ROBO1: variants seen among roughly 807,000 people sequenced by gnomAD.
The protein encoded by ROBO1 is roundabout guidance receptor 1, also known as roundabout homolog 1.
ROBO1 carries 149 observed loss-of-function variants against 195.9 expected under a neutral mutation model. That is an observed-to-expected ratio of 0.76 (90% confidence interval 0.67 to 0.87). The LOEUF is 0.87. ROBO1 is among the 40% of genes least tolerant of loss of function. The pLI is 0.00. For synonymous variants in ROBO1, 816 were observed against 733.2 expected (o/e 1.11, Z -1.82); for missense variants, 1,933 against 2,068.3 (o/e 0.93, Z 1.27).
intron 1 of ROBO1, among the ~76,000 whole-genome samples, chr3:79,613,148 G>C (rs939196544): frequency 3.9e-5 from 6 of 151,928 alleles, no homozygotes; most frequent in African/African-American, 1.4e-4. Context: ...ACTGAAAAAG[G>C]GTCAAGTATA....
At chr3:79,179,176 A>AT (rs1422186076) in intron 2 of ROBO1, among the ~76,000 whole-genome samples, 2 of 152,210 alleles carry the variant, frequency 1.3e-5, no homozygotes. Context: ...AGAAGCAGGA[A>AT]TAGTAACCAT....
chr3:79,008,643 G>T (rs1300528139), intron 3 of ROBO1, among the ~76,000 whole-genome samples: 1 of 151,392 alleles, frequency 6.6e-6, no homozygotes, highest in Non-Finnish European at 1.5e-5. Context: ...ACCCTGACTG[G>T]AGTGCAAAGG....
intron 9 of ROBO1, 92 bp downstream of exon 9, chr3:78,688,556 G>A (rs2081100212): frequency 2.3e-6 from 3 of 1,312,366 alleles, no homozygotes; most frequent in Middle Eastern, 2.0e-4. Context: ...TGTGACAGCT[G>A]CATGACTAAG....
At chr3:79,346,598 A>G (rs1379626148) in intron 2 of ROBO1, among the ~76,000 whole-genome samples, 1 of 152,084 alleles carries the variant, frequency 6.6e-6, no homozygotes, top group Admixed American at 6.6e-5. Context: ...TCTAGGAATT[A>G]ATTTTTTCTA....
intron 3 of ROBO1, among the ~76,000 whole-genome samples, chr3:78,950,253 A>G (rs2040698565): frequency 6.6e-6 from 1 of 152,092 alleles, no homozygotes; most frequent in African/African-American, 2.4e-5. Context: ...AAAGACTTGG[A>G]ACCAACCTAA....
At chr3:79,059,424 G>A (rs369188140) in intron 3 of ROBO1, among the ~76,000 whole-genome samples, 5 of 152,076 alleles carry the variant, frequency 3.3e-5, no homozygotes, top group Middle Eastern at 3.4e-3. Flanking sequence ...TCTTTACTGT[G>A]TGGGACCAGT....
intron 2 of ROBO1, among the ~76,000 whole-genome samples, chr3:79,306,085 G>C (rs2033204691): frequency 6.6e-6 from 1 of 152,156 alleles, no homozygotes; most frequent in Non-Finnish European, 1.5e-5. Flanking sequence ...TAAGCAAGCT[G>C]ATACTTACTT....
chr3:78,983,741 C>A (rs536105511), intron 3 of ROBO1, among the ~76,000 whole-genome samples: 10 of 152,224 alleles, frequency 6.6e-5, no homozygotes, highest in African/African-American at 2.4e-4. Flanking sequence ...AAGGATGTGA[C>A]CACTGTCACC....
chr3:79,071,348 T>C (rs1394635753), intron 3 of ROBO1, among the ~76,000 whole-genome samples: 1 of 151,862 alleles, frequency 6.6e-6, no homozygotes, highest in Non-Finnish European at 1.5e-5. Flanking sequence ...TTTGGTTTTC[T>C]TCTTTAATTT....
At chr3:78,679,934 C>T (rs956048706) in intron 10 of ROBO1, among the ~76,000 whole-genome samples, 3 of 152,056 alleles carry the variant, frequency 2.0e-5, no homozygotes, top group African/African-American at 4.8e-5. Context: ...TCAAACTATA[C>T]TACAAGGCTA....
At chr3:79,204,371 G>C (rs560548030) in intron 2 of ROBO1, among the ~76,000 whole-genome samples, 3 of 151,944 alleles carry the variant, frequency 2.0e-5, no homozygotes, top group Non-Finnish European at 2.9e-5. Flanking sequence ...GGCTGTATGA[G>C]TATCTAGTGT....
chr3:78,728,345 C>T (rs1177486993), intron 5 of ROBO1, among the ~76,000 whole-genome samples: 1 of 151,968 alleles, frequency 6.6e-6, no homozygotes, highest in Admixed American at 6.5e-5. Flanking sequence ...CAAGACCAGT[C>T]CAATATGAAC....
At chr3:78,782,420 C>T (rs765421592) in intron 4 of ROBO1, among the ~76,000 whole-genome samples, 9 of 152,064 alleles carry the variant, frequency 5.9e-5, no homozygotes, top group Non-Finnish European at 7.3e-5. Context: ...TGGTCTTGAA[C>T]TCCTGGCCTC....
At chr3:78,873,517 G>A (rs547508201) in intron 4 of ROBO1, among the ~76,000 whole-genome samples, 111 of 151,958 alleles carry the variant, frequency 7.3e-4, no homozygotes, top group African/African-American at 2.5e-3. Context: ...ATGTGCTTGC[G>A]ACCAAGTAAA....
At chr3:79,617,434 C>CA (rs1944859631) in intron 1 of ROBO1, among the ~76,000 whole-genome samples, 1 of 151,910 alleles carries the variant, frequency 6.6e-6, no homozygotes, top group African/African-American at 2.4e-5. Context: ...GTCAGCATTT[C>CA]AAAAAACCAT....
chr3:79,741,202 A>G (rs969123229), intron 1 of ROBO1, among the ~76,000 whole-genome samples: 4 of 152,216 alleles, frequency 2.6e-5, no homozygotes, highest in Non-Finnish European at 4.4e-5. Flanking sequence ...AGAACAAACC[A>G]TATCAGCCTA....
At chr3:78,885,436 A>AC (rs1285087647) in intron 4 of ROBO1, among the ~76,000 whole-genome samples, 3 of 150,084 alleles carry the variant, frequency 2.0e-5, no homozygotes, top group Non-Finnish European at 3.0e-5. Context: ...AAAAAAAAAA[A>AC]AAAAAACTGA....
intron 2 of ROBO1, among the ~76,000 whole-genome samples, chr3:79,516,433 T>A (rs1197454020): frequency 6.6e-6 from 1 of 152,120 alleles, no homozygotes; most frequent in Non-Finnish European, 1.5e-5. Flanking sequence ...AGTTATGCAG[T>A]GGAAGGTCTC....
intron 2 of ROBO1, among the ~76,000 whole-genome samples, chr3:79,129,615 A>G (rs2080286279): frequency 6.6e-6 from 1 of 152,172 alleles, no homozygotes; most frequent in African/African-American, 2.4e-5. Context: ...TGGGTTTTTA[A>G]ACATTAATTA....
Sources: gnomAD v4.1 joint callset for allele counts (sites outside exome capture counted in the v4.1 genomes callset) on GRCh38, gnomAD v4.1.1 for gene constraint, MANE v1.5 for transcripts, NCBI Gene and HGNC (gene_info 2026-07-23, HGNC 2026-07-21) for gene names.